Variants in HMBOX1 observed in about 807,000 individuals in gnomAD.
The protein encoded by HMBOX1 is homeobox containing 1.
HMBOX1 carries 14 observed loss-of-function variants against 54.5 expected under a neutral mutation model. The observed-to-expected ratio is 0.26, with a 90% CI of 0.17 to 0.40. The LOEUF is 0.40. Among genes scored for constraint, HMBOX1 ranks in the 10% least tolerant of loss-of-function variants. HMBOX1 has a pLI of 1.00. For synonymous variants in HMBOX1, 160 were observed against 181.0 expected, an observed-to-expected ratio of 0.88 and a Z score of 0.93; for missense variants, 332 against 514.4, an observed-to-expected ratio of 0.65 and a Z score of 3.43.
In HMBOX1 at chr8:29,026,043, T is replaced by TACACAC. The variant is rs35597688; in HGVS notation, c.851+7164_851+7169dup. ...CACAAACTACCTACTTGCTACCATG[T>TACACAC]ACACACACACACACACACACACACA... On this transcript the variant is annotated intron_variant, in intron 6 of 9. Coordinates refer to ENST00000287701, the MANE Select transcript of HMBOX1 (RefSeq NM_001135726.3). 5.5e-3 allele frequency among the ~76,000 whole-genome samples: 789 copies of TACACAC among 143,572 alleles called. 5 individuals carry two copies. Among genetic ancestry groups the TACACAC allele is most frequent in the African/African-American group, 0.018 (694 of 38,652 alleles). 94.2% of individuals were successfully genotyped at this position (143,572 alleles called of 152,430 possible).
At chr8:28,957,246 A>G (rs1402590227) in intron 1 of HMBOX1, among the ~76,000 whole-genome samples, 1 of 152,192 alleles carries the variant, frequency 6.6e-6, no homozygotes, top group Non-Finnish European at 1.5e-5. Context: ...GAACAAAATC[A>G]TGTCCTTTGC....
At chr8:29,027,942 GT>G (rs1802328033) in intron 6 of HMBOX1, among the ~76,000 whole-genome samples, 1 of 152,118 alleles carries the variant, frequency 6.6e-6, no homozygotes, top group South Asian at 2.1e-4. Context: ...TATTGAATGT[GT>G]TTTTGTTATT....
intron 1 of HMBOX1, among the ~76,000 whole-genome samples, chr8:28,950,438 C>T (rs897425278): frequency 2.6e-5 from 4 of 152,218 alleles, no homozygotes; most frequent in African/African-American, 9.7e-5. Flanking sequence ...GGAATAGGTT[C>T]ACATGTAACT....
intron 5 of HMBOX1, chr8:29,009,407 ACCT>A: frequency 3.1e-6 from 3 of 956,154 alleles, no homozygotes; most frequent in Non-Finnish European, 3.7e-6. Flanking sequence ...CCCCTAAGAC[ACCT>A]CTTTGCTTTC....
intron 7 of HMBOX1, among the ~76,000 whole-genome samples, chr8:29,047,156 T>G (rs925955424): frequency 6.6e-6 from 1 of 152,236 alleles, no homozygotes; most frequent in Admixed American, 6.5e-5. Flanking sequence ...AGTTGTTGTT[T>G]TTGTATTCAT....
intron 7 of HMBOX1, among the ~76,000 whole-genome samples, chr8:29,046,989 T>TA (rs1222018623): frequency 1.3e-5 from 2 of 151,948 alleles, no homozygotes; most frequent in Non-Finnish European, 2.9e-5. Context: ...CTCAAAAAAA[T>TA]AAAAAAAGAA....
In HMBOX1 at chr8:29,051,329, T is replaced by G. The variant is rs1014116856; in HGVS notation, c.*174T>G. ...TGGTGCCCTCAGCCTTTGCATATAC[T>G]CTCTCAGTATTAACTCCCAGTAAAT... On this transcript the variant is annotated 3_prime_UTR_variant, in exon 10 of 10. Coordinates refer to ENST00000287701, the MANE Select transcript of HMBOX1 (RefSeq NM_001135726.3). The G allele has an allele frequency of 3.0e-6, 2 of 666,916 alleles. No individual in the cohort carries two copies. Among genetic ancestry groups the G allele is most frequent in the African/African-American group, 3.7e-5 (2 of 54,646 alleles). 41.3% of individuals were successfully genotyped at this position (666,916 alleles called of 1,614,324 possible). A position where few individuals can be genotyped will look rare whatever the true frequency, so the allele number is the denominator to read the frequency against.
At chr8:28,910,890 A>G (rs1815290794) in intron 1 of HMBOX1, among the ~76,000 whole-genome samples, 1 of 152,214 alleles carries the variant, frequency 6.6e-6, no homozygotes, top group South Asian at 2.1e-4. Context: ...CTCATTTTAA[A>G]GAATCACAGA....
At chr8:28,916,547 T>C (rs1325886150) in intron 1 of HMBOX1, among the ~76,000 whole-genome samples, 1 of 152,178 alleles carries the variant, frequency 6.6e-6, no homozygotes. Context: ...GTGTTCTAGC[T>C]CCATTTATTG....
intron 1 of HMBOX1, among the ~76,000 whole-genome samples, chr8:28,933,438 CAG>C (rs750008285): frequency 3.6e-4 from 55 of 152,176 alleles, no homozygotes; most frequent in Non-Finnish European, 6.5e-4. Context: ...CCAAAGTAAA[CAG>C]AGGGAGTTAA....
In HMBOX1 at chr8:28,993,706, C is replaced by T. The variant is rs182707504; in HGVS notation, c.586+13550C>T. 3.0e-3 allele frequency among the ~76,000 whole-genome samples: 454 copies of T among 152,226 alleles called. 1 individual carries two copies. The highest frequency in any genetic ancestry group is 0.01 in the African/African-American group (429 of 41,528). On this transcript the variant is annotated intron_variant, in intron 4 of 9. Coordinates refer to ENST00000287701, the MANE Select transcript of HMBOX1 (RefSeq NM_001135726.3). The stretch of plus-strand genomic sequence containing the variant: ...AAAAACAAATATTATGTCACAGACT[C>T]AACAATAATCTGTACCGGCCAGATT...
chr8:29,014,656 C>T (rs762020629), intron 5 of HMBOX1, among the ~76,000 whole-genome samples: 38 of 152,182 alleles, frequency 2.5e-4, no homozygotes, highest in Non-Finnish European at 4.4e-4. Flanking sequence ...TTTTCACCTT[C>T]TGTGTGTAAA....
intron 1 of HMBOX1, among the ~76,000 whole-genome samples, chr8:28,929,614 G>A (rs1819127580): frequency 6.6e-6 from 1 of 152,164 alleles, no homozygotes; most frequent in Non-Finnish European, 1.5e-5. Flanking sequence ...ATTGAACTAG[G>A]ATGGTTGTTA....
intron 4 of HMBOX1, among the ~76,000 whole-genome samples, chr8:28,986,102 C>T (rs1277117054): frequency 6.6e-6 from 1 of 152,200 alleles, no homozygotes; most frequent in Non-Finnish European, 1.5e-5. Flanking sequence ...CCCCTCAACT[C>T]CTGGCAACCT....
At chr8:28,893,161 AATCATT>A (rs1222909796) in intron 1 of HMBOX1, among the ~76,000 whole-genome samples, 1 of 152,192 alleles carries the variant, frequency 6.6e-6, no homozygotes, top group African/African-American at 2.4e-5. Flanking sequence ...GTGGGATCAA[AATCATT>A]ACATGTAAAC....
intron 4 of HMBOX1, among the ~76,000 whole-genome samples, chr8:28,993,307 T>TA (rs1831276468): frequency 6.6e-6 from 1 of 152,220 alleles, no homozygotes; most frequent in African/African-American, 2.4e-5. Flanking sequence ...AAGATATACA[T>TA]ACTCTTGTAT....
chr8:28,955,812 G>C (rs1327833883), intron 1 of HMBOX1: 1 of 152,130 alleles, frequency 6.6e-6, no homozygotes, highest in Non-Finnish European at 1.5e-5. Flanking sequence ...AATGAGCCGG[G>C]CATGGTGGTG....
chr8:29,027,233 A>C (rs973133564), intron 6 of HMBOX1, among the ~76,000 whole-genome samples: 9 of 152,192 alleles, frequency 5.9e-5, no homozygotes, highest in Non-Finnish European at 1.2e-4. Flanking sequence ...ACAATGCTCA[A>C]ACGTGATTCT....
intron 6 of HMBOX1, among the ~76,000 whole-genome samples, chr8:29,044,480 CTATCGTACTTTAAAAAGTGCAAAAGTAA>C (rs1481525415): frequency 6.6e-6 from 1 of 151,902 alleles, no homozygotes; most frequent in Non-Finnish European, 1.5e-5. Context: ...TTTTAAAGTA[CTATCGTACTTTAAAAAGTGCAAAAGTAA>C]TACATACTTT....
Sources: gnomAD v4.1 joint callset for allele counts (sites outside exome capture counted in the v4.1 genomes callset) on GRCh38, gnomAD v4.1.1 for gene constraint, MANE v1.5 for transcripts, NCBI Gene and HGNC (gene_info 2026-07-23, HGNC 2026-07-21) for gene names.